The following NRG3 variants were observed in gnomAD, a reference collection of about 807,000 sequenced individuals.
The protein encoded by NRG3 is pro-neuregulin-3, membrane-bound isoform.
Under a neutral mutation model 66.9 loss-of-function variants are expected in NRG3, and 31 were observed. The ratio of observed to expected loss-of-function variants is 0.46; its 90% CI spans 0.35 to 0.63. The LOEUF (loss-of-function observed/expected upper bound fraction) is 0.63, where lower values mean the gene tolerates loss of function less well. NRG3 is among the 20% of genes least tolerant of loss of function. The pLI is 0.00. For synonymous variants in NRG3, 393 were observed against 359.4 expected, an observed-to-expected ratio of 1.09 and a Z score of -1.06; for missense variants, 910 against 878.9, an observed-to-expected ratio of 1.04 and a Z score of -0.45.
intron 2 of NRG3, among the ~76,000 whole-genome samples, chr10:82,424,612 A>G (rs1046840827): frequency 1.3e-5 from 2 of 152,006 alleles, no homozygotes; most frequent in African/African-American, 2.4e-5. Context: ...ATAAAATTGT[A>G]TCCTTTAAAG....
intron 1 of NRG3, among the ~76,000 whole-genome samples, chr10:82,076,846 A>G (rs1329240526): frequency 3.3e-5 from 5 of 152,206 alleles, no homozygotes; most frequent in African/African-American, 1.2e-4. Context: ...TTAATAAATT[A>G]TCCAGTCTCA....
At chr10:82,377,532 G>A (rs1055202384) in intron 2 of NRG3, among the ~76,000 whole-genome samples, 1 of 152,136 alleles carries the variant, frequency 6.6e-6, no homozygotes, top group African/African-American at 2.4e-5. Context: ...AGTTCTGGGA[G>A]GGTAGAGACC....
chr10:81,935,164 A>T (rs1476284312), intron 1 of NRG3, among the ~76,000 whole-genome samples: 1 of 152,234 alleles, frequency 6.6e-6, no homozygotes, highest in Non-Finnish European at 1.5e-5. Flanking sequence ...ACAATTTTCC[A>T]GATAAATATG....
intron 2 of NRG3, among the ~76,000 whole-genome samples, chr10:82,452,869 T>C (rs949288028): frequency 6.6e-6 from 1 of 152,166 alleles, no homozygotes; most frequent in African/African-American, 2.4e-5. Flanking sequence ...GAGGATTTTA[T>C]GGAGATGGTT....
intron 2 of NRG3, among the ~76,000 whole-genome samples, chr10:82,380,021 A>G (rs2085508422): frequency 6.6e-6 from 1 of 152,102 alleles, no homozygotes; most frequent in South Asian, 2.1e-4. Flanking sequence ...TGTGTGAAAT[A>G]GGAGAGCAAA....
chr10:82,842,874 C>T (rs2063129275), intron 3 of NRG3, among the ~76,000 whole-genome samples: 1 of 152,174 alleles, frequency 6.6e-6, no homozygotes, highest in African/African-American at 2.4e-5. Context: ...GCGCAAGCCA[C>T]CACACCTGGC....
At chr10:82,728,559 A>T (rs2057734118) in intron 2 of NRG3, among the ~76,000 whole-genome samples, 1 of 152,206 alleles carries the variant, frequency 6.6e-6, no homozygotes, top group African/African-American at 2.4e-5. Context: ...TAAGTCCATT[A>T]AACCTCTTTC....
At chr10:82,319,366 C>T (rs1298273011) in intron 1 of NRG3, among the ~76,000 whole-genome samples, 2 of 152,178 alleles carry the variant, frequency 1.3e-5, no homozygotes, top group East Asian at 3.9e-4. Context: ...TATGAAAATA[C>T]CACTGTGGAT....
chr10:82,527,593 A>G (rs866674078), intron 2 of NRG3, among the ~76,000 whole-genome samples: 1 of 152,188 alleles, frequency 6.6e-6, no homozygotes, highest in South Asian at 2.1e-4. Flanking sequence ...GTTCATAGGT[A>G]TAAAAGGGAG....
intron 2 of NRG3, among the ~76,000 whole-genome samples, chr10:82,690,669 A>C (rs943405069): frequency 6.6e-6 from 1 of 152,206 alleles, no homozygotes; most frequent in Non-Finnish European, 1.5e-5. Context: ...CCTTCATATG[A>C]CTAAACCTGC....
chr10:82,233,804 G>A (rs2076621325), intron 1 of NRG3, among the ~76,000 whole-genome samples: 1 of 151,922 alleles, frequency 6.6e-6, no homozygotes, highest in Non-Finnish European at 1.5e-5. Context: ...TATCCCACAA[G>A]CACCTACTTA....
At chr10:82,729,560 A>G (rs543184203) in intron 2 of NRG3, among the ~76,000 whole-genome samples, 2 of 152,294 alleles carry the variant, frequency 1.3e-5, no homozygotes, top group African/African-American at 4.8e-5. Context: ...CAGGGTGTTC[A>G]TGCCCATGTT....
intron 1 of NRG3, among the ~76,000 whole-genome samples, chr10:82,008,230 C>T (rs1396471095): frequency 1.3e-5 from 2 of 152,186 alleles, no homozygotes; most frequent in South Asian, 2.1e-4. Flanking sequence ...CTTAGAAGAT[C>T]GGGAGGGAAT....
At chr10:82,660,594 A>G (rs2052278596) in intron 2 of NRG3, among the ~76,000 whole-genome samples, 2 of 152,196 alleles carry the variant, frequency 1.3e-5, no homozygotes, top group South Asian at 4.1e-4. Context: ...AGTAATTTTG[A>G]CTACCAACCA....
intron 2 of NRG3, among the ~76,000 whole-genome samples, chr10:82,631,585 G>A (rs1046949777): frequency 3.5e-5 from 5 of 144,798 alleles, no homozygotes; most frequent in South Asian, 2.2e-4. Context: ...GCCTTCAGCC[G>A]TGGTTTTTTT....
intron 2 of NRG3, among the ~76,000 whole-genome samples, chr10:82,567,276 A>G (rs1456376159): frequency 6.7e-6 from 1 of 149,388 alleles, no homozygotes; most frequent in Non-Finnish European, 1.5e-5. Flanking sequence ...GCCACTAAGG[A>G]TATTTCTCAT....
intron 2 of NRG3, among the ~76,000 whole-genome samples, chr10:82,514,919 A>G (rs766175011): frequency 1.3e-5 from 2 of 152,116 alleles, no homozygotes; most frequent in African/African-American, 2.4e-5. Context: ...AAATGAGACC[A>G]CTAGAATATA....
chr10:82,731,972 TA>T (rs2134659211), intron 2 of NRG3, among the ~76,000 whole-genome samples: 1 of 152,238 alleles, frequency 6.6e-6, no homozygotes, highest in Admixed American at 6.5e-5. Flanking sequence ...ACTATATACC[TA>T]AAAAATTGCT....
At chr10:82,430,313 A>C (rs1350834216) in intron 2 of NRG3, among the ~76,000 whole-genome samples, 1 of 151,866 alleles carries the variant, frequency 6.6e-6, no homozygotes, top group Non-Finnish European at 1.5e-5. Context: ...GCTGGAGTGC[A>C]GTGGCGCCAT....
Sources: gnomAD v4.1 joint callset for allele counts (sites outside exome capture counted in the v4.1 genomes callset) on GRCh38, gnomAD v4.1.1 for gene constraint, MANE v1.5 for transcripts, NCBI Gene and HGNC (gene_info 2026-07-23, HGNC 2026-07-21) for gene names.